The following CD200R1L variants were observed in gnomAD, a reference collection of about 807,000 sequenced individuals.
CD200R1L encodes CD200 receptor 1 like, also known as cell surface glycoprotein CD200 receptor 2.
In CD200R1L, 14 loss-of-function variants were observed where a neutral mutation model predicts 24.8. The ratio of observed to expected loss-of-function variants is 0.56; its 90% CI spans 0.37 to 0.88. The LOEUF is 0.88. Ranked by LOEUF, CD200R1L falls within the 40% of genes least tolerant of loss-of-function variation. The pLI, the probability that CD200R1L is intolerant of heterozygous loss-of-function variation, is 0.00. For missense variants in CD200R1L, 299 were observed against 297.8 expected, an observed-to-expected ratio of 1.00 and a Z score of -0.03; for synonymous variants, 111 against 109.2, an observed-to-expected ratio of 1.02 and a Z score of -0.11.
rs769814260 is a variant in CD200R1L at position 112,827,455 on chromosome 3, C to T, written c.279G>A (p.Pro93=). 55 of 1,614,002 alleles carry T rather than the reference C, an allele frequency of 3.4e-5. No homozygotes were observed. Among genetic ancestry groups the T allele is most frequent in the Admixed American group, 8.3e-5 (5 of 59,992 alleles). The stretch of plus-strand genomic sequence containing the variant: ...AATACCCGTCATGAGTGGTGTCCAC[C>T]GGACGAATCTGAAGGTCCGAATTCT... ...PDQNSDLQIR[P]VDTTHDGYYR... is the part of the protein sequence containing the mutation. Residue 93 remains proline, a synonymous_variant, in exon 5 of 8, where the codon CCG becomes CCA. Transcript: ENST00000488794.
At chr3:112,833,744 C>G (rs1938867153) in intron 3 of CD200R1L, among the ~76,000 whole-genome samples, 1 of 152,148 alleles carries the variant, frequency 6.6e-6, no homozygotes, top group Non-Finnish European at 1.5e-5. Flanking sequence ...TAAGCCCTCC[C>G]TGTGTGTTCC....
At chr3:112,816,121 T>C in intron 7 of CD200R1L, 146 bp from the exon 8 acceptor site, 2 of 624,892 alleles carry the variant, frequency 3.2e-6, no homozygotes, top group African/African-American at 3.7e-5. Flanking sequence ...TATTAATCAA[T>C]GTGTCAATTA....
chr3:112,827,132 A>G lies in CD200R1L; in HGVS notation c.477T>C (p.Leu159=), dbSNP rs531343747. Reference sequence around the variant, plus strand: ...TGCCCCAGTATTCTTGCTTAGTGGCAAGAATAGATCCCTCTGGGATCCAGG... The same window carrying G: ...TGCCCCAGTATTCTTGCTTAGTGGCGAGAATAGATCCCTCTGGGATCCAGG... ...QISWIPEGSI[L]ATKQEYWGNG... is the part of the protein sequence containing the mutation. Residue 159 remains leucine (L), a synonymous_variant, in exon 6 of 8, where the codon CTT becomes CTC. Coordinates refer to ENST00000488794, the MANE Select transcript of CD200R1L (RefSeq NM_001199215.3). 2 of 1,613,572 alleles carry G rather than the reference A, an allele frequency of 1.2e-6. No individual in the cohort carries two copies. The highest frequency in any genetic ancestry group is 1.1e-5 in the South Asian group (1 of 91,040).
chr3:112,824,673 GA>G (rs1938615167), intron 6 of CD200R1L, among the ~76,000 whole-genome samples: 1 of 152,200 alleles, frequency 6.6e-6, no homozygotes. Context: ...AGAATACGAG[GA>G]AAACGCATCA....
intron 2 of CD200R1L, among the ~76,000 whole-genome samples, chr3:112,844,919 C>T (rs373621742): frequency 1.6e-4 from 25 of 151,828 alleles, no homozygotes; most frequent in African/African-American, 3.9e-4. Flanking sequence ...AGCTAAAATC[C>T]GTCTCAAAAA....
At chr3:112,824,386 T>G (rs1043800910) in intron 6 of CD200R1L, among the ~76,000 whole-genome samples, 3 of 152,188 alleles carry the variant, frequency 2.0e-5, no homozygotes, top group Non-Finnish European at 4.4e-5. Flanking sequence ...AGAGGTGCCC[T>G]TGATGCATGC....
intron 3 of CD200R1L, among the ~76,000 whole-genome samples, chr3:112,834,760 G>A (rs994444111): frequency 3.0e-4 from 45 of 152,240 alleles, no homozygotes; most frequent in Non-Finnish European, 7.3e-5. Flanking sequence ...TGAGGGATGT[G>A]TGAGTGAGCA....
intron 7 of CD200R1L, among the ~76,000 whole-genome samples, chr3:112,817,968 G>A (rs6809039): frequency 0.092 from 14,021 of 152,190 alleles, 775 homozygotes; most frequent in Admixed American, 0.16. Flanking sequence ...AAGAGCAAAA[G>A]CAGAAACCCT....
At chr3:112,828,709 C>G (rs1019332729) in intron 4 of CD200R1L, among the ~76,000 whole-genome samples, 2 of 151,884 alleles carry the variant, frequency 1.3e-5, no homozygotes, top group African/African-American at 4.8e-5. Flanking sequence ...AAAATTAAGC[C>G]CTGCATCCTA....
At chr3:112,841,393 T>G (rs1306779352) in intron 2 of CD200R1L, 35 of 348,870 alleles carry the variant, frequency 1.0e-4, no homozygotes, top group Non-Finnish European at 1.7e-4. Context: ...AAATTACCCA[T>G]TCTTGGGTAG....
In CD200R1L at chr3:112,845,758, A is replaced by T. The variant is rs61674636; in HGVS notation, c.-166T>A. ...AAGTATGCTTTTGGAGTGGTTTTCT[A>T]CTTAAACATAAATCCACTTTAAATC... On this transcript the variant is annotated 5_prime_UTR_variant, in exon 2 of 8. The change abolishes the stop of an existing upstream ORF in the 5' untranslated region. Transcript: ENST00000488794. The T allele has an allele frequency of 1.3e-6, 2 of 1,570,752 alleles. No homozygotes were observed. Among genetic ancestry groups the T allele is most frequent in the African/African-American group, 2.7e-5 (2 of 73,896 alleles).
intron 3 of CD200R1L, among the ~76,000 whole-genome samples, chr3:112,831,013 G>A (rs144688748): frequency 1.3e-5 from 2 of 152,164 alleles, no homozygotes; most frequent in African/African-American, 2.4e-5. Context: ...GGAGGAATAG[G>A]GGGGAGGCAT....
intron 2 of CD200R1L, among the ~76,000 whole-genome samples, chr3:112,843,753 G>A (rs1445608963): frequency 6.6e-6 from 1 of 152,126 alleles, no homozygotes; most frequent in Non-Finnish European, 1.5e-5. Flanking sequence ...GCACAGAGTG[G>A]CAAGTTGGAT....
At position 112,827,554 on chromosome 3, in the gene CD200R1L, G is replaced by A. The variant is rs1430781367; in HGVS notation, c.180C>T (p.Tyr60=). The stretch of plus-strand genomic sequence containing the variant: ...CCTTGGTCTCATTTGTTTCTTTCTT[G>A]TAGGCTTTTGTGCAGGAAGGCTGGC... ...LRGQPSCTKA[Y]KKETNETKET... Residue 60 remains tyrosine (Y), a synonymous_variant, in exon 5 of 8, where the codon TAC becomes TAT. Coordinates refer to ENST00000488794, the MANE Select transcript of CD200R1L (RefSeq NM_001199215.3). 2.5e-6 allele frequency: 4 copies of A among 1,614,066 alleles called. No individual in the cohort carries two copies. In the East Asian group the frequency reaches 8.9e-5, roughly 36 times the overall value.
At chr3:112,840,369 A>G (rs1939049839) in intron 2 of CD200R1L, among the ~76,000 whole-genome samples, 1 of 152,230 alleles carries the variant, frequency 6.6e-6, no homozygotes. Context: ...CAGAACAGGC[A>G]TGTTCACATG....
chr3:112,821,465 G>C (rs1401425178), intron 6 of CD200R1L, among the ~76,000 whole-genome samples: 1 of 152,184 alleles, frequency 6.6e-6, no homozygotes, highest in Non-Finnish European at 1.5e-5. Context: ...TCCACAGGTA[G>C]CTACTCTGTG....
chr3:112,818,132 GAC>G (rs1938441222), intron 7 of CD200R1L, among the ~76,000 whole-genome samples: 1 of 152,108 alleles, frequency 6.6e-6, no homozygotes, highest in South Asian at 2.1e-4. Context: ...TTTTTGTGGG[GAC>G]ACAGCCAAAA....
chr3:112,845,196 A>G (rs1435671158), intron 2 of CD200R1L, among the ~76,000 whole-genome samples: 1 of 152,186 alleles, frequency 6.6e-6, no homozygotes, highest in East Asian at 1.9e-4. Context: ...CAGATATTAC[A>G]CAGGTGACAT....
At position 112,837,996 on chromosome 3, in the gene CD200R1L, A is replaced by C. The variant is rs780197766; in HGVS notation, c.-72T>G. The stretch of plus-strand genomic sequence containing the variant: ...ATTTCCAGTTGTGTCATCAGACAGG[A>C]ATTATTATCTGAGGCTAGAAAATAT... On this transcript the variant is annotated 5_prime_UTR_variant, in exon 3 of 8. The change creates a new upstream start codon in the 5' untranslated region. Coordinates refer to ENST00000488794, the MANE Select transcript of CD200R1L (RefSeq NM_001199215.3). The C allele has an allele frequency of 8.1e-7, 1 of 1,237,636 alleles. No individual in the cohort carries two copies. The highest frequency in any genetic ancestry group is 1.4e-5 in the South Asian group (1 of 73,070). 76.7% of individuals were successfully genotyped at this position (1,237,636 alleles called of 1,614,324 possible).
Sources: gnomAD v4.1 joint callset for allele counts (sites outside exome capture counted in the v4.1 genomes callset) on GRCh38, gnomAD v4.1.1 for gene constraint, MANE v1.5 for transcripts, NCBI Gene and HGNC (gene_info 2026-07-23, HGNC 2026-07-21) for gene names.